Variants in NPL observed in about 807,000 individuals in gnomAD.
NPL encodes the protein N-acetylneuraminate pyruvate lyase.
Under a neutral mutation model 41.1 loss-of-function variants are expected in NPL, and 32 were observed. The observed-to-expected ratio is 0.78, with a 90% CI of 0.59 to 1.05. NPL has a LOEUF of 1.05. NPL is among the 50% of genes least tolerant of loss of function. The probability of loss-of-function intolerance (pLI) is 0.00; values close to 1 mark genes in which losing one functional copy is unlikely to be tolerated. For missense variants in NPL, 321 were observed against 378.4 expected (o/e 0.85, Z 1.26); for synonymous variants, 128 against 134.9 (o/e 0.95, Z 0.35).
Position 182,812,233 on chromosome 1 carries a change from T to C in NPL, c.288+20T>C. 6.2e-7 allele frequency: 1 copy of C among 1,608,090 alleles called. No individual in the cohort carries two copies. Among genetic ancestry groups the C allele is most frequent in the South Asian group, 1.1e-5 (1 of 90,998 alleles). Reference sequence around the variant, plus strand: ...GAACTGGTATGTATGCAGTTCCATCTGGGAGAGACCATTCAAGGGGCCTCC... The same window carrying C: ...GAACTGGTATGTATGCAGTTCCATCCGGGAGAGACCATTCAAGGGGCCTCC... On this transcript the variant is annotated intron_variant, in intron 6 of 12. Coordinates refer to ENST00000367553, the MANE Select transcript of NPL (RefSeq NM_030769.3).
chr1:182,818,494 T>G (rs1667396480), intron 8 of NPL, 47 bp from the exon 9 acceptor site: 1 of 1,608,982 alleles, frequency 6.2e-7, no homozygotes, highest in Non-Finnish European at 8.5e-7. Context: ...TGAGATGTTA[T>G]TTCCTAGAGA....
chr1:182,801,562 T>G lies in NPL; in HGVS notation c.69-2136T>G, dbSNP rs79185441. On this transcript the variant is annotated intron_variant, in intron 3 of 12. Transcript: ENST00000367553. ...AGCAAACAGTATCTCTCAAGAATGT[T>G]GGAGGGGTCGGGCTCAGTGGCTCAC... Among the ~76,000 whole-genome samples the G allele has an allele frequency of 2.4e-4, 37 of 152,286 alleles. No homozygotes were observed. The East Asian group carries it at 6.9e-3, about 29-fold the overall frequency.
chr1:182,825,935 A>C (rs1667619745), intron 12 of NPL, 115 bp downstream of exon 12: 1 of 852,832 alleles, frequency 1.2e-6, no homozygotes, highest in African/African-American at 1.7e-5. Context: ...TGTTGCAAGC[A>C]GAGTTCTGTT....
Position 182,818,868 on chromosome 1 carries a change from G to T in NPL, c.653+9G>T. The T allele has an allele frequency of 6.2e-7, 1 of 1,613,658 alleles. No individual in the cohort carries two copies. Among genetic ancestry groups the T allele is most frequent in the South Asian group, 1.1e-5 (1 of 91,042 alleles). ...ACTGGAGCAGTGGGCAGGTAAGCAT[G>T]ACTCATTTTTCCCAGTGGTTATAAA... is the stretch of plus-strand genomic sequence containing the variant. On this transcript the variant is annotated intron_variant, in intron 10 of 12. Coordinates refer to ENST00000367553, the MANE Select transcript of NPL (RefSeq NM_030769.3).
At chr1:182,811,252 A>G (rs1330384290) in intron 5 of NPL, among the ~76,000 whole-genome samples, 1 of 152,050 alleles carries the variant, frequency 6.6e-6, no homozygotes, top group African/African-American at 2.4e-5. Context: ...TTTTTGAGAC[A>G]TGGTCTTGCT....
intron 12 of NPL, chr1:182,826,393 C>T (rs1327965958): frequency 1.9e-5 from 3 of 154,738 alleles, no homozygotes; most frequent in Admixed American, 1.9e-4. Context: ...ACTATCCACT[C>T]TTCTGCAAGA....
At chr1:182,813,350 A>G (rs1013380109) in intron 6 of NPL, among the ~76,000 whole-genome samples, 5 of 152,166 alleles carry the variant, frequency 3.3e-5, no homozygotes, top group East Asian at 1.9e-4. Context: ...AATGGGATGT[A>G]TAATATATTT....
intron 3 of NPL, among the ~76,000 whole-genome samples, chr1:182,797,665 A>G (rs990914333): frequency 2.0e-5 from 3 of 152,072 alleles, no homozygotes; most frequent in African/African-American, 7.2e-5. Flanking sequence ...ATTCTTCCCC[A>G]ATTCTCTTAA....
intron 5 of NPL, among the ~76,000 whole-genome samples, chr1:182,811,195 T>C (rs1360602727): frequency 6.6e-6 from 1 of 152,100 alleles, no homozygotes; most frequent in Non-Finnish European, 1.5e-5. Flanking sequence ...TTAAACTAGG[T>C]CATTTCTTTC....
intron 4 of NPL, 37 bp from the exon 5 acceptor site, chr1:182,806,108 C>T (rs184964984): frequency 1.2e-6 from 2 of 1,613,612 alleles, no homozygotes; most frequent in East Asian, 4.5e-5. Flanking sequence ...AGCAGAGGTG[C>T]TCCTTGGTCC....
At position 182,829,058 on chromosome 1, in the gene NPL, T is replaced by G; in HGVS notation, c.*150T>G. The G allele has an allele frequency of 1.4e-6, 2 of 1,470,940 alleles. No individual in the cohort carries two copies. The highest frequency in any genetic ancestry group is 2.8e-5 in the African/African-American group (2 of 70,360). 91.1% of individuals were successfully genotyped at this position (1,470,940 alleles called of 1,614,324 possible). ...GCATTGAGGTACCTTTTGTGAGCCT[T>G]AAAAAGTCTTATTTTGTGAAGGGGC... On this transcript the variant is annotated 3_prime_UTR_variant, in exon 13 of 13. Transcript: ENST00000367553.
rs1305604276 is a variant in NPL, at chr1:182,828,567, T to C, written c.779-157T>C. Among the ~76,000 whole-genome samples the C allele has an allele frequency of 6.6e-6, 1 of 152,234 alleles. No individual in the cohort carries two copies. On this transcript the variant is annotated intron_variant, in intron 12 of 12. Coordinates refer to ENST00000367553, the MANE Select transcript of NPL (RefSeq NM_030769.3). The surrounding 1 kb of genome is among the most constrained non-coding windows in gnomAD (Gnocchi z 4.0). ...AAGCAGGAAGAGGGATTTCGAATGA[T>C]TGCTCATCTGTCATATTGACTAGAA...
rs369029045 is a variant in NPL, at chr1:182,794,429, A to G, written c.58A>G (p.Thr20Ala). ...TGTGGCTGCAACCATCACGCCAATG[A>G]CTGAGAATGGGTAACTATCATTTGG... is the stretch of plus-strand genomic sequence containing the variant. ...GLVAATITPM[T>A]ENGEINFSVI... The change falls in exon 3 of 13, where the codon ACT becomes GCT. Residue 20 changes from threonine to alanine, a missense_variant. Transcript: ENST00000367553. 3.7e-6 allele frequency: 6 copies of G among 1,614,072 alleles called. No individual in the cohort carries two copies. In the African/African-American group the frequency reaches 8.0e-5, roughly 22 times the overall value.
intron 10 of NPL, among the ~76,000 whole-genome samples, chr1:182,819,238 C>T (rs1023053088): frequency 1.3e-5 from 2 of 152,162 alleles, no homozygotes; most frequent in African/African-American, 2.4e-5. Context: ...GGGTGGATCA[C>T]GAGATCAGCA....
intron 3 of NPL, among the ~76,000 whole-genome samples, chr1:182,799,500 A>G (rs1666770890): frequency 1.3e-5 from 2 of 152,164 alleles, no homozygotes; most frequent in Admixed American, 1.3e-4. Flanking sequence ...AAAAATATCA[A>G]ACTAAGAGGA....
chr1:182,803,922 G>A, intron 4 of NPL, 151 bp downstream of exon 4: 2 of 709,930 alleles, frequency 2.8e-6, no homozygotes, highest in Non-Finnish European at 2.6e-6. Flanking sequence ...TGAATTTGTA[G>A]GCCCACCAAT....
At chr1:182,802,696 C>A (rs1250591263) in intron 3 of NPL, among the ~76,000 whole-genome samples, 1 of 152,172 alleles carries the variant, frequency 6.6e-6, no homozygotes, top group African/African-American at 2.4e-5. Flanking sequence ...CCCATCATTC[C>A]CCTCCTGCAT....
chr1:182,822,300 C>T (rs776773710), intron 11 of NPL, 101 bp downstream of exon 11: 16 of 790,170 alleles, frequency 2.0e-5, no homozygotes, highest in Non-Finnish European at 3.1e-5. Flanking sequence ...TTAAAATTGC[C>T]CAGCCACTTC....
chr1:182,795,133 T>C (rs971007008), intron 3 of NPL, among the ~76,000 whole-genome samples: 7 of 152,198 alleles, frequency 4.6e-5, no homozygotes, highest in African/African-American at 1.4e-4. Flanking sequence ...AGCCATGCAC[T>C]GTGTATAACT....
Sources: allele counts gnomAD v4.1 joint callset (sites outside exome capture counted in the v4.1 genomes callset), GRCh38; gene constraint gnomAD v4.1.1; non-coding constraint Gnocchi (gnomAD v3.1); transcripts MANE v1.5; gene names NCBI Gene and HGNC (gene_info 2026-07-23, HGNC 2026-07-21).